TRAK2: variants seen among roughly 807,000 people sequenced by gnomAD.
TRAK2 encodes the protein trafficking kinesin protein 2.
Under a neutral mutation model 104.6 loss-of-function variants are expected in TRAK2, and 81 were observed. The ratio of observed to expected loss-of-function variants is 0.77; its 90% CI spans 0.65 to 0.93. The LOEUF is 0.93. TRAK2 is among the 40% of genes least tolerant of loss of function. The pLI is 0.00. For missense variants in TRAK2, 1,002 were observed against 1,089.0 expected, an observed-to-expected ratio of 0.92 and a Z score of 1.12; for synonymous variants, 406 against 394.4, an observed-to-expected ratio of 1.03 and a Z score of -0.35.
chr2:201,402,956 C>T lies in TRAK2; in HGVS notation c.287-1862G>A, dbSNP rs137922584. ...AACACCCAAAGCAAAAATCAGGCAT[C>T]CTATAGGCTCAGTTAAAATCAGTTT... On this transcript the variant is annotated intron_variant, in intron 3 of 15. Coordinates refer to ENST00000332624, the MANE Select transcript of TRAK2 (RefSeq NM_015049.3). 8.0e-3 allele frequency among the ~76,000 whole-genome samples: 1,212 copies of T among 152,216 alleles called. 7 individuals are homozygous for T. The highest frequency in any genetic ancestry group is 0.01 in the Middle Eastern group (3 of 294).
intron 4 of TRAK2, 79 bp from the exon 5 acceptor site, chr2:201,399,572 T>C: frequency 9.4e-7 from 1 of 1,066,156 alleles, no homozygotes; most frequent in Non-Finnish European, 1.4e-6. Context: ...TGGTCAGTTT[T>C]GGTAAAATCA....
At chr2:201,429,957 C>T (rs1311380654) in intron 1 of TRAK2, among the ~76,000 whole-genome samples, 2 of 152,162 alleles carry the variant, frequency 1.3e-5, no homozygotes, top group Non-Finnish European at 2.9e-5. Flanking sequence ...TGGTTTCTCC[C>T]TATCTTTGCG....
chr2:201,387,914 G>A lies in TRAK2; in HGVS notation c.1485C>T (p.Asn495=). 6.2e-7 allele frequency: 1 copy of A among 1,614,136 alleles called. No homozygotes were observed. Residue 495 remains asparagine (N), a synonymous_variant, in exon 13 of 16, where the codon AAC becomes AAT. Transcript: ENST00000332624. ...CAAAGAACTGCTTCTCACTTAAATA[G>A]TTTTGTCGACGCAAGCTAAGGCGAT... ...ALHRLSLRRQ[N]YLSEKQFFAE...
At chr2:201,427,129 C>T (rs567407507) in intron 1 of TRAK2, among the ~76,000 whole-genome samples, 9 of 152,226 alleles carry the variant, frequency 5.9e-5, no homozygotes, top group South Asian at 4.2e-4. Context: ...GCACTCCTGT[C>T]GGCTTCCCCC....
chr2:201,395,928 A>C (rs957122385), intron 7 of TRAK2, among the ~76,000 whole-genome samples: 1 of 152,222 alleles, frequency 6.6e-6, no homozygotes, highest in African/African-American at 2.4e-5. Flanking sequence ...GAATGTGATA[A>C]AGCTACGGAA....
chr2:201,389,202 T>C, intron 12 of TRAK2, 98 bp downstream of exon 12: 1 of 1,194,190 alleles, frequency 8.4e-7, no homozygotes, highest in Non-Finnish European at 1.2e-6. Flanking sequence ...TTCCAGAACC[T>C]TCTTGGGACA....
chr2:201,415,940 A>C (rs1363669821), intron 2 of TRAK2, among the ~76,000 whole-genome samples: 2 of 152,132 alleles, frequency 1.3e-5, no homozygotes, highest in Non-Finnish European at 2.9e-5. Flanking sequence ...GAAAATCCTA[A>C]AAGCAGAGAG....
chr2:201,397,598 GTA>G lies in TRAK2; in HGVS notation c.691-20_691-19del, dbSNP rs773284920. On this transcript the variant is annotated intron_variant, in intron 6 of 15. Coordinates refer to ENST00000332624, the MANE Select transcript of TRAK2 (RefSeq NM_015049.3). ...TGACAAGCCTTCAAGAAAAAAATCA[GTA>G]TGTGACAATACCTTCTAGTGATTTT... 6.5e-7 allele frequency: 1 copy of G among 1,547,094 alleles called. No individual in the cohort carries two copies. The highest frequency in any genetic ancestry group is 8.9e-7 in the Non-Finnish European group (1 of 1,121,542).
intron 1 of TRAK2, among the ~76,000 whole-genome samples, chr2:201,435,884 C>T (rs1337024670): frequency 6.6e-6 from 1 of 152,008 alleles, no homozygotes; most frequent in Non-Finnish European, 1.5e-5. Context: ...TCAGAGAGAA[C>T]ACCAGAAATC....
intron 3 of TRAK2, 34 bp downstream of exon 3, chr2:201,407,369 A>C (rs764237294): frequency 5.9e-5 from 93 of 1,568,712 alleles, no homozygotes; most frequent in Middle Eastern, 1.8e-4. Context: ...CATTACTTTA[A>C]TGCACAAACT....
At chr2:201,436,664 T>C (rs1951882029) in intron 1 of TRAK2, among the ~76,000 whole-genome samples, 1 of 152,226 alleles carries the variant, frequency 6.6e-6, no homozygotes. Flanking sequence ...TCTCTAACAA[T>C]AAAACACAAA....
chr2:201,449,242 A>T (rs1158011093), intron 1 of TRAK2, among the ~76,000 whole-genome samples: 3 of 152,194 alleles, frequency 2.0e-5, no homozygotes, highest in Non-Finnish European at 4.4e-5. Flanking sequence ...CAATAACACT[A>T]GACAATCCTC....
chr2:201,434,004 C>CCGGACTG (rs1303308221), intron 1 of TRAK2, among the ~76,000 whole-genome samples: 1 of 152,038 alleles, frequency 6.6e-6, no homozygotes, highest in Non-Finnish European at 1.5e-5. Flanking sequence ...TTTGCCCAGG[C>CCGGACTG]CGGACTGCAG....
At chr2:201,427,580 A>G (rs534902367) in intron 1 of TRAK2, among the ~76,000 whole-genome samples, 5 of 152,354 alleles carry the variant, frequency 3.3e-5, no homozygotes, top group African/African-American at 9.6e-5. Flanking sequence ...AATGATAGAC[A>G]TTTGGGTTGG....
intron 10 of TRAK2, among the ~76,000 whole-genome samples, chr2:201,390,337 G>A (rs1475638001): frequency 1.3e-5 from 2 of 149,266 alleles, no homozygotes; most frequent in Non-Finnish European, 3.0e-5. Flanking sequence ...GAGGTCAGGA[G>A]ATCGAGACCA....
chr2:201,397,960 T>C, intron 6 of TRAK2, 185 bp downstream of exon 6: 1 of 494,766 alleles, frequency 2.0e-6, no homozygotes, highest in East Asian at 3.0e-5. Flanking sequence ...AACCTGCTAC[T>C]ATCCACTTTT....
chr2:201,411,262 C>T (rs941571081), intron 2 of TRAK2: 2 of 738,944 alleles, frequency 2.7e-6, no homozygotes, highest in Non-Finnish European at 5.0e-6. Context: ...TATGCCTGCT[C>T]TTGTTCTCTT....
At chr2:201,393,096 A>AG (rs1951462955) in intron 9 of TRAK2, 50 bp from the exon 10 acceptor site, 2 of 1,541,108 alleles carry the variant, frequency 1.3e-6, no homozygotes, top group Non-Finnish European at 1.7e-6. Flanking sequence ...AAACAACATT[A>AG]GGGAAAAAAA....
In TRAK2 at chr2:201,420,725, G is replaced by T. The variant is rs189073323; in HGVS notation, c.-199-19C>A. ...TCATGACCTAAAACAAAAACATCAA[G>T]TGACTAGAACTCAGCATGCTCTTTA... is the stretch of plus-strand genomic sequence containing the variant. On this transcript the variant is annotated intron_variant, in intron 1 of 15. Transcript: ENST00000332624. The T allele has an allele frequency of 2.2e-6, 1 of 451,004 alleles. No individual in the cohort carries two copies. The highest frequency in any genetic ancestry group is 3.5e-5 in the South Asian group (1 of 28,576). 27.9% of individuals were successfully genotyped at this position (451,004 alleles called of 1,614,324 possible). A position where few individuals can be genotyped will look rare whatever the true frequency, so the allele number is the denominator to read the frequency against.
Sources: allele counts gnomAD v4.1 joint callset (sites outside exome capture counted in the v4.1 genomes callset), GRCh38; gene constraint gnomAD v4.1.1; transcripts MANE v1.5; gene names NCBI Gene and HGNC (gene_info 2026-07-23, HGNC 2026-07-21).